The following SDK2 variants were observed in gnomAD, a reference collection of about 807,000 sequenced individuals.
SDK2 encodes protein sidekick-2.
A neutral mutation model predicts 253.9 loss-of-function variants in SDK2; 105 were observed. That is an observed-to-expected ratio of 0.41 (90% CI 0.35 to 0.49). SDK2 has a LOEUF of 0.49. SDK2 is among the 20% of genes least tolerant of loss of function. The pLI is 0.06. For synonymous variants in SDK2, 1,249 were observed against 1,234.9 expected (o/e 1.01, Z -0.24); for missense variants, 2,608 against 3,003.0 (o/e 0.87, Z 3.07).
chr17:73,599,414 C>T (rs1461151067), intron 1 of SDK2, among the ~76,000 whole-genome samples: 3 of 152,018 alleles, frequency 2.0e-5, no homozygotes, highest in Non-Finnish European at 4.4e-5. Flanking sequence ...CACCTGTAAT[C>T]CCAGTTACTC....
At chr17:73,634,690 C>G (rs1198293807) in intron 1 of SDK2, among the ~76,000 whole-genome samples, 2 of 152,218 alleles carry the variant, frequency 1.3e-5, no homozygotes, top group Admixed American at 1.3e-4. Context: ...GGAACAAAAG[C>G]TGTCGGGGCA....
chr17:73,534,882 G>A lies in SDK2; in HGVS notation c.65-27285C>T, dbSNP rs1351445602. Among the ~76,000 whole-genome samples, 1 of 152,134 alleles carries A rather than the reference G, an allele frequency of 6.6e-6. No homozygotes were observed. The highest frequency in any genetic ancestry group is 1.5e-5 in the Non-Finnish European group (1 of 68,016). ...TTCTAGGCCTCCTTGTGGGGATACT[G>A]GATACTCTGCGATCGGCCGATCAGC... On this transcript the variant is annotated intron_variant, in intron 1 of 44. Coordinates refer to ENST00000392650, the MANE Select transcript of SDK2 (RefSeq NM_001144952.2). This position sits in a 1 kb window ranked among gnomAD's most constrained non-coding sequence, Gnocchi z 4.9.
In SDK2 at chr17:73,350,371, G is replaced by A; in HGVS notation, c.5904C>T (p.Asn1968=). Residue 1968 remains asparagine, a synonymous_variant, in exon 43 of 45, where the codon AAC becomes AAT. Transcript: ENST00000392650. The stretch of plus-strand genomic sequence containing the variant: ...GGCCTAGGGCTCCAGACTTGGCACT[G>A]TTCCCTGAAGTCGGCGGGAGATTGA... ...KKYAKKTDSG[N]SAKSGALGHS... 1 of 1,613,268 alleles carries A rather than the reference G, an allele frequency of 6.2e-7. No individual in the cohort carries two copies. Among genetic ancestry groups the A allele is most frequent in the Non-Finnish European group, 8.5e-7 (1 of 1,179,586 alleles).
At chr17:73,619,885 A>G (rs1599731701) in intron 1 of SDK2, among the ~76,000 whole-genome samples, 1 of 152,172 alleles carries the variant, frequency 6.6e-6, no homozygotes, top group African/African-American at 2.4e-5. Context: ...CAACAACAAC[A>G]ACAACAACAA....
At position 73,401,171 on chromosome 17, in the gene SDK2, G is replaced by A. The variant is rs146716999; in HGVS notation, c.2820C>T (p.Thr940=). Residue 940 remains threonine, a synonymous_variant, in exon 21 of 45, where the codon ACC becomes ACT. Transcript: ENST00000392650. ...ISWEEYNRTN[T]RVTHYLPNVT... ...CGTTGGGCAGGTAGTGGGTCACACGGGTGTTGGTTCGATTGTACTCCTCCC... is the reference window on the plus strand; with the variant it reads ...CGTTGGGCAGGTAGTGGGTCACACGAGTGTTGGTTCGATTGTACTCCTCCC... 6.4e-7 allele frequency: 1 copy of A among 1,557,296 alleles called. No individual in the cohort carries two copies. The highest frequency in any genetic ancestry group is 1.2e-5 in the South Asian group (1 of 84,334).
chr17:73,519,390 C>T (rs12452724), intron 1 of SDK2: 40,262 of 152,156 alleles, frequency 0.26, 6,574 homozygotes, highest in South Asian at 0.38. Context: ...ATAAAGAGGG[C>T]TGAGCTGGAC....
At chr17:73,596,143 C>T (rs1409546485) in intron 1 of SDK2, among the ~76,000 whole-genome samples, 1 of 152,170 alleles carries the variant, frequency 6.6e-6, no homozygotes, top group Non-Finnish European at 1.5e-5. Context: ...GTGGTGGTAG[C>T]CTGGAGACCT....
At chr17:73,486,424 C>T (rs543132213) in intron 2 of SDK2, among the ~76,000 whole-genome samples, 365 of 152,066 alleles carry the variant, frequency 2.4e-3, no homozygotes, top group Admixed American at 6.5e-3. Context: ...ACCTGGGCAA[C>T]ATAGCAAGAA....
rs369785610 is a variant in SDK2, at chr17:73,549,975, G to A, written c.65-42378C>T. ...AATGAGACTGTGGGTGAGGACCGCCGGGGGTGCATAGAGGCAGATGCATGC... is the reference window on the plus strand; with the variant it reads ...AATGAGACTGTGGGTGAGGACCGCCAGGGGTGCATAGAGGCAGATGCATGC... On this transcript the variant is annotated intron_variant, in intron 1 of 44. Transcript: ENST00000392650. Among the ~76,000 whole-genome samples, 493 of 152,192 alleles carry A rather than the reference G, an allele frequency of 3.2e-3. 2 individuals carry two copies. The highest frequency in any genetic ancestry group is 0.011 in the African/African-American group (469 of 41,528).
intron 24 of SDK2, among the ~76,000 whole-genome samples, 179 bp downstream of exon 24, chr17:73,397,856 T>C (rs999148180): frequency 5.9e-5 from 9 of 152,244 alleles, no homozygotes; most frequent in Non-Finnish European, 1.0e-4. Context: ...AGCTCCTTCC[T>C]CTCATCGGCG....
chr17:73,348,523 C>A, intron 44 of SDK2, 76 bp downstream of exon 44: 1 of 1,526,298 alleles, frequency 6.6e-7, no homozygotes, highest in South Asian at 1.2e-5. Context: ...GAAGAAAGCC[C>A]ATCTACGTTC....
chr17:73,394,553 T>A (rs1258413738), intron 25 of SDK2, among the ~76,000 whole-genome samples: 1 of 152,252 alleles, frequency 6.6e-6, no homozygotes, highest in Non-Finnish European at 1.5e-5. Flanking sequence ...CCTCACAGGA[T>A]TCTCTGCTCA....
chr17:73,597,135 G>T (rs2045770796), intron 1 of SDK2, among the ~76,000 whole-genome samples: 1 of 152,168 alleles, frequency 6.6e-6, no homozygotes, highest in African/African-American at 2.4e-5. Context: ...TCTTTCTCTT[G>T]TCCTTTAACA....
chr17:73,426,207 G>GTTTTTT (rs1432134156), intron 12 of SDK2, among the ~76,000 whole-genome samples: 1 of 24,568 alleles, frequency 4.1e-5, no homozygotes, highest in Non-Finnish European at 8.3e-5. Flanking sequence ...ACCATGCTGG[G>GTTTTTT]CTTTTTTTTT....
chr17:73,559,212 A>G (rs913372595), intron 1 of SDK2, among the ~76,000 whole-genome samples: 2 of 152,138 alleles, frequency 1.3e-5, no homozygotes, highest in Non-Finnish European at 2.9e-5. Context: ...CCCACGAAGG[A>G]CAGAGCATGC....
rs190756924 is a variant in SDK2 at position 73,402,907 on chromosome 17, C to T, written c.2485-766G>A. ...CTGCCTCCCGGGTTCAAGTGATTCTCCTGTCTCAGCCTCCAGAGTAGATGG... is the reference window on the plus strand; with the variant it reads ...CTGCCTCCCGGGTTCAAGTGATTCTTCTGTCTCAGCCTCCAGAGTAGATGG... On this transcript the variant is annotated intron_variant, in intron 18 of 44. Transcript: ENST00000392650. Among the ~76,000 whole-genome samples, 332 of 152,284 alleles carry T rather than the reference C, an allele frequency of 2.2e-3. 3 individuals are homozygous for T. Among genetic ancestry groups the T allele is most frequent in the African/African-American group, 7.7e-3 (318 of 41,568 alleles).
chr17:73,343,477 C>T (rs2062457077), intron 44 of SDK2, among the ~76,000 whole-genome samples: 2 of 152,208 alleles, frequency 1.3e-5, no homozygotes, highest in Admixed American at 6.5e-5. Flanking sequence ...GCTTTCAATT[C>T]TCACGGGCCT....
chr17:73,400,876 G>A (rs2063018366), intron 21 of SDK2, 144 bp downstream of exon 21: 1 of 751,956 alleles, frequency 1.3e-6, no homozygotes. Context: ...TCGAACTCCT[G>A]ACCTCAAGTG....
At chr17:73,480,652 C>G (rs2063716358) in intron 2 of SDK2, among the ~76,000 whole-genome samples, 1 of 151,984 alleles carries the variant, frequency 6.6e-6, no homozygotes, top group South Asian at 2.1e-4. Flanking sequence ...CAGAGAGAGA[C>G]AGTCAGAGAG....
Sources: gnomAD v4.1 joint callset for allele counts (sites outside exome capture counted in the v4.1 genomes callset) on GRCh38, gnomAD v4.1.1 for gene constraint, Gnocchi (gnomAD v3.1) non-coding constraint, MANE v1.5 for transcripts, NCBI Gene and HGNC (gene_info 2026-07-23, HGNC 2026-07-21) for gene names.